Variants in CNTN5 observed in about 807,000 individuals in gnomAD.
CNTN5 encodes contactin 5.
In CNTN5, 77 loss-of-function variants were observed where a neutral mutation model predicts 129.1. The ratio of observed to expected loss-of-function variants is 0.60; its 90% CI spans 0.50 to 0.72. CNTN5 has a LOEUF of 0.72. CNTN5 is among the 30% of genes least tolerant of loss of function. CNTN5 has a pLI of 0.00. For missense variants in CNTN5, 1,478 were observed against 1,328.8 expected (o/e 1.11, Z -1.75); for synonymous variants, 509 against 465.6 (o/e 1.09, Z -1.20).
intron 1 of CNTN5, among the ~76,000 whole-genome samples, chr11:99,109,832 A>G (rs1857703613): frequency 6.6e-6 from 1 of 152,158 alleles, no homozygotes; most frequent in Non-Finnish European, 1.5e-5. Flanking sequence ...ATTAATGTGA[A>G]CATATAGATT....
intron 8 of CNTN5, among the ~76,000 whole-genome samples, chr11:99,989,148 A>G (rs955644319): frequency 1.3e-5 from 2 of 152,222 alleles, no homozygotes; most frequent in Non-Finnish European, 2.9e-5. Context: ...TTAAATCACA[A>G]TTGAAAAGAG....
intron 2 of CNTN5, among the ~76,000 whole-genome samples, chr11:99,348,156 G>A (rs1938033833): frequency 6.6e-6 from 1 of 152,080 alleles, no homozygotes; most frequent in South Asian, 2.1e-4. Context: ...TGGCTAACAT[G>A]GTGAAACCGC....
chr11:99,045,054 A>G (rs760691503), intron 1 of CNTN5, among the ~76,000 whole-genome samples: 1 of 152,220 alleles, frequency 6.6e-6, no homozygotes, highest in Non-Finnish European at 1.5e-5. Flanking sequence ...AATACCTGGC[A>G]TATAGAAAAC....
chr11:99,059,526 G>T (rs1323706459), intron 1 of CNTN5, among the ~76,000 whole-genome samples: 1 of 152,004 alleles, frequency 6.6e-6, no homozygotes, highest in Non-Finnish European at 1.5e-5. Flanking sequence ...TGAACAATAG[G>T]TTTTCTTCTC....
intron 8 of CNTN5, among the ~76,000 whole-genome samples, chr11:99,981,194 G>T: frequency 6.6e-6 from 1 of 150,974 alleles, no homozygotes; most frequent in Non-Finnish European, 1.5e-5. Context: ...CAAACCATCT[G>T]CAAGCTAAAG....
chr11:99,096,992 G>T (rs538597930), intron 1 of CNTN5, among the ~76,000 whole-genome samples: 11 of 151,968 alleles, frequency 7.2e-5, no homozygotes, highest in South Asian at 4.1e-4. Context: ...CATATCTGTT[G>T]TGTATGTGTA....
chr11:99,649,281 A>G (rs913091340), intron 3 of CNTN5, among the ~76,000 whole-genome samples: 7 of 151,806 alleles, frequency 4.6e-5, no homozygotes, highest in Non-Finnish European at 8.9e-5. Flanking sequence ...ATTTAAACTT[A>G]GTAAAATACT....
At chr11:100,232,299 G>A (rs1272195520) in intron 16 of CNTN5, among the ~76,000 whole-genome samples, 2 of 152,286 alleles carry the variant, frequency 1.3e-5, no homozygotes, top group Admixed American at 6.5e-5. Flanking sequence ...GAGCTACTGT[G>A]TGAAAACCCA....
intron 16 of CNTN5, among the ~76,000 whole-genome samples, chr11:100,236,375 G>A (rs1200620429): frequency 6.6e-5 from 10 of 152,130 alleles, no homozygotes; most frequent in African/African-American, 2.4e-4. Context: ...ATGGAGGCTG[G>A]CCCCTCATGA....
chr11:99,669,629 A>G (rs1361050468), intron 3 of CNTN5, among the ~76,000 whole-genome samples: 4 of 152,146 alleles, frequency 2.6e-5, no homozygotes, highest in African/African-American at 9.7e-5. Flanking sequence ...AGAGCAAACA[A>G]TTGTGACAGC....
intron 13 of CNTN5, among the ~76,000 whole-genome samples, chr11:100,129,642 C>A (rs1277726232): frequency 1.3e-5 from 2 of 152,056 alleles, no homozygotes; most frequent in African/African-American, 4.8e-5. Context: ...CTTTTACATA[C>A]ATTTAAATTG....
intron 21 of CNTN5, among the ~76,000 whole-genome samples, chr11:100,328,093 G>A (rs1214001725): frequency 6.6e-6 from 1 of 152,000 alleles, no homozygotes; most frequent in Non-Finnish European, 1.5e-5. Context: ...GCTCACACCT[G>A]CAATCCCAAC....
intron 3 of CNTN5, among the ~76,000 whole-genome samples, chr11:99,568,916 A>T (rs891512873): frequency 1.2e-4 from 18 of 152,288 alleles, no homozygotes; most frequent in African/African-American, 4.3e-4. Flanking sequence ...CTTTTCTATT[A>T]TCTGGAAAAG....
At chr11:99,613,652 T>G (rs1409497875) in intron 3 of CNTN5, among the ~76,000 whole-genome samples, 1 of 150,988 alleles carries the variant, frequency 6.6e-6, no homozygotes, top group Non-Finnish European at 1.5e-5. Context: ...TATTTTGGCA[T>G]TAAATATAAA....
chr11:99,578,537 G>A (rs949119628), intron 3 of CNTN5, among the ~76,000 whole-genome samples: 21 of 150,924 alleles, frequency 1.4e-4, no homozygotes, highest in African/African-American at 5.1e-4. Context: ...GGTGTCAGAT[G>A]GTATCTCACT....
In CNTN5 at chr11:99,744,796, A is replaced by C. The variant is rs112744804; in HGVS notation, c.56-74748A>C. ...ATGTGGAGATGCTAACCCTGTACTC[A>C]GAAAGACTGCGACTCTTTAAGCACA... is the stretch of plus-strand genomic sequence containing the variant. On this transcript the variant is annotated intron_variant, in intron 3 of 24. Transcript: ENST00000524871. 1.0e-3 allele frequency among the ~76,000 whole-genome samples: 159 copies of C among 152,124 alleles called. 1 individual carries two copies. The highest frequency in any genetic ancestry group is 3.7e-3 in the African/African-American group (155 of 41,518).
At chr11:99,739,220 T>C (rs1320447674) in intron 3 of CNTN5, among the ~76,000 whole-genome samples, 1 of 152,154 alleles carries the variant, frequency 6.6e-6, no homozygotes, top group Non-Finnish European at 1.5e-5. Flanking sequence ...ATAATATAAA[T>C]TTGGAAACTA....
At chr11:99,463,667 C>T (rs1187266115) in intron 2 of CNTN5, among the ~76,000 whole-genome samples, 1 of 151,938 alleles carries the variant, frequency 6.6e-6, no homozygotes, top group African/African-American at 2.4e-5. Context: ...AAAAATAGAA[C>T]CATTTAATAT....
rs10648459 is a variant in CNTN5 at position 99,241,318 on chromosome 11, G to GTTTTTTTTTTTTTTTTTTTTTTTTTTTT, written c.-209-84007_-209-84006insTTTTTTTTTTTTTTTTTTTTTTTTTTTT. On this transcript the variant is annotated intron_variant, in intron 1 of 24. Coordinates refer to ENST00000524871, the MANE Select transcript of CNTN5 (RefSeq NM_014361.4). The stretch of plus-strand genomic sequence containing the variant: ...GTGACACTCCTTCATTTGATTGTTG[G>GTTTTTTTTTTTTTTTTTTTTTTTTTTTT]TTTTTTTTTTTTTTTTTTTTTGATT... Among the ~76,000 whole-genome samples the GTTTTTTTTTTTTTTTTTTTTTTTTTTTT allele has an allele frequency of 1.0e-4, 9 of 88,040 alleles. 1 individual carries two copies. Among genetic ancestry groups the GTTTTTTTTTTTTTTTTTTTTTTTTTTTT allele is most frequent in the Admixed American group, 1.5e-4 (1 of 6,864 alleles). 57.8% of individuals were successfully genotyped at this position (88,040 alleles called of 152,430 possible).
Sources: allele counts gnomAD v4.1 joint callset (sites outside exome capture counted in the v4.1 genomes callset), GRCh38; gene constraint gnomAD v4.1.1; transcripts MANE v1.5; gene names NCBI Gene and HGNC (gene_info 2026-07-23, HGNC 2026-07-21).